The following EYA4 variants were observed in gnomAD, a reference collection of about 807,000 sequenced individuals.
The protein encoded by EYA4 is EYA transcriptional coactivator and phosphatase 4, also known as protein phosphatase EYA4.
In EYA4, 31 loss-of-function variants were observed where a neutral mutation model predicts 87.9. That is an observed-to-expected ratio of 0.35 (90% CI 0.27 to 0.48). The LOEUF is 0.48. EYA4 is among the 20% of genes least tolerant of loss of function. The pLI is 0.99. For synonymous variants in EYA4, 263 were observed against 270.6 expected (o/e 0.97, Z 0.28); for missense variants, 678 against 761.4 (o/e 0.89, Z 1.29).
rs114643728 is a variant in EYA4, at chr6:133,367,327, A to G, written c.34-15065A>G. ...AAGCAGCTTCCTTGTGCTAAGAGTTATGGAGAGGGAGTAGACAAAGTAAAT... is the reference window on the plus strand; with the variant it reads ...AAGCAGCTTCCTTGTGCTAAGAGTTGTGGAGAGGGAGTAGACAAAGTAAAT... On this transcript the variant is annotated intron_variant, in intron 2 of 19. Coordinates refer to ENST00000355286, the MANE Select transcript of EYA4 (RefSeq NM_004100.5). Among the ~76,000 whole-genome samples, 129 of 152,350 alleles carry G rather than the reference A, an allele frequency of 8.5e-4. 1 individual carries two copies. Among genetic ancestry groups the G allele is most frequent in the African/African-American group, 3.0e-3 (125 of 41,590 alleles).
chr6:133,323,852 T>G (rs1781290179), intron 2 of EYA4, among the ~76,000 whole-genome samples: 1 of 152,116 alleles, frequency 6.6e-6, no homozygotes, highest in African/African-American at 2.4e-5. Flanking sequence ...AAGATACGCC[T>G]CAAGGAAGAA....
At chr6:133,286,656 G>T (rs1484194402) in intron 2 of EYA4, among the ~76,000 whole-genome samples, 1 of 152,150 alleles carries the variant, frequency 6.6e-6, no homozygotes, top group Non-Finnish European at 1.5e-5. Flanking sequence ...TATCATAGCA[G>T]AAAGAGCACC....
chr6:133,498,850 G>A (rs993923382), intron 13 of EYA4, among the ~76,000 whole-genome samples: 1 of 152,166 alleles, frequency 6.6e-6, no homozygotes. Context: ...CCCTTTCAGA[G>A]CTTCGTGTTG....
At chr6:133,304,256 T>C (rs1459603732) in intron 2 of EYA4, among the ~76,000 whole-genome samples, 3 of 152,162 alleles carry the variant, frequency 2.0e-5, no homozygotes, top group African/African-American at 7.2e-5. Context: ...CTTAATTATC[T>C]AGTGGGGAAG....
At position 133,466,094 on chromosome 6, in the gene EYA4, C is replaced by T. The variant is rs141998107; in HGVS notation, c.804+1236C>T. 2.6e-5 allele frequency among the ~76,000 whole-genome samples: 4 copies of T among 152,096 alleles called. 1 individual carries two copies. The highest frequency in any genetic ancestry group is 3.9e-4 in the East Asian group (2 of 5,170). ...TTCAAAACGAGTAACTCATTGTTCC[C>T]TGCTCTTTAGAAGGATTCAGTCCTC... is the stretch of plus-strand genomic sequence containing the variant. On this transcript the variant is annotated intron_variant, in intron 10 of 19. Coordinates refer to ENST00000355286, the MANE Select transcript of EYA4 (RefSeq NM_004100.5).
At chr6:133,519,113 A>G (rs1056940594) in intron 17 of EYA4, among the ~76,000 whole-genome samples, 1 of 151,858 alleles carries the variant, frequency 6.6e-6, no homozygotes, top group East Asian at 1.9e-4. Context: ...AAACACATTC[A>G]AAAGCTAGCA....
intron 2 of EYA4, among the ~76,000 whole-genome samples, chr6:133,308,471 T>C (rs973357322): frequency 6.6e-6 from 1 of 152,186 alleles, no homozygotes; most frequent in Non-Finnish European, 1.5e-5. Context: ...AGGTTTGGGG[T>C]TTGATTGATC....
At chr6:133,281,832 C>T (rs1433155340) in intron 2 of EYA4, among the ~76,000 whole-genome samples, 1 of 152,052 alleles carries the variant, frequency 6.6e-6, no homozygotes, top group African/African-American at 2.4e-5. Flanking sequence ...CATGTTTCCT[C>T]ACTGCTTAGC....
At chr6:133,326,738 T>A (rs73557785) in intron 2 of EYA4, among the ~76,000 whole-genome samples, 2,403 of 152,300 alleles carry the variant, frequency 0.016, 62 homozygotes, top group African/African-American at 0.054. Context: ...CTGGATTCCC[T>A]TCCTCATCCC....
chr6:133,473,675 C>T (rs1795472050), intron 11 of EYA4, among the ~76,000 whole-genome samples: 1 of 151,828 alleles, frequency 6.6e-6, no homozygotes, highest in South Asian at 2.1e-4. Flanking sequence ...ATCCTCCTAC[C>T]TGTGGGCACA....
At chr6:133,506,011 C>T in intron 13 of EYA4, 95 bp from the exon 14 acceptor site, 1 of 809,550 alleles carries the variant, frequency 1.2e-6, no homozygotes, top group East Asian at 2.5e-5. Context: ...ATGCAGTCTT[C>T]TCCCTCTTCC....
At chr6:133,417,671 AT>A (rs1344293321) in intron 3 of EYA4, among the ~76,000 whole-genome samples, 7,738 of 152,278 alleles carry the variant, frequency 0.051, 580 homozygotes, top group African/African-American at 0.16. Context: ...TAACATGCAT[AT>A]CACTAATAAA....
chr6:133,394,511 G>A (rs1787621837), intron 3 of EYA4, among the ~76,000 whole-genome samples: 1 of 151,508 alleles, frequency 6.6e-6, no homozygotes, highest in African/African-American at 2.4e-5. Flanking sequence ...CAGACTTGAT[G>A]GCAAACTCAA....
At chr6:133,348,888 G>A (rs1427956101) in intron 2 of EYA4, among the ~76,000 whole-genome samples, 1 of 152,100 alleles carries the variant, frequency 6.6e-6, no homozygotes, top group Non-Finnish European at 1.5e-5. Context: ...TTAAGTCAGA[G>A]CCTGTTGTTC....
chr6:133,356,137 A>G lies in EYA4; in HGVS notation c.34-26255A>G, dbSNP rs547737438. Among the ~76,000 whole-genome samples the G allele has an allele frequency of 3.2e-3, 493 of 152,184 alleles. 3 individuals are homozygous for G. Among genetic ancestry groups the G allele is most frequent in the African/African-American group, 0.011 (461 of 41,516 alleles). The stretch of plus-strand genomic sequence containing the variant: ...CTCTTGTTATAAAGGCATTAATCCC[A>G]TCGTGATGACCCTGCTCCTCATGAC... On this transcript the variant is annotated intron_variant, in intron 2 of 19. Transcript: ENST00000355286.
intron 14 of EYA4, chr6:133,507,223 A>G (rs1046794468): frequency 2.6e-5 from 4 of 152,210 alleles, no homozygotes; most frequent in African/African-American, 9.6e-5. Context: ...TCCACAACAT[A>G]CAAATCACAT....
At chr6:133,486,190 T>C (rs1184671708) in intron 13 of EYA4, among the ~76,000 whole-genome samples, 1 of 152,244 alleles carries the variant, frequency 6.6e-6, no homozygotes, top group Non-Finnish European at 1.5e-5. Context: ...AAACAACTTA[T>C]ATTGCCTTAT....
chr6:133,250,062 C>G (rs1425858078), intron 1 of EYA4, among the ~76,000 whole-genome samples: 1 of 152,174 alleles, frequency 6.6e-6, no homozygotes, highest in Non-Finnish European at 1.5e-5. Flanking sequence ...AACATCCCCT[C>G]CTTGAGACTG....
intron 3 of EYA4, among the ~76,000 whole-genome samples, chr6:133,436,319 G>A (rs1479777269): frequency 6.6e-6 from 1 of 152,038 alleles, no homozygotes; most frequent in African/African-American, 2.4e-5. Context: ...CTAGCCTGTG[G>A]GAATCTTTGA....
Sources: gnomAD v4.1 joint callset for allele counts (sites outside exome capture counted in the v4.1 genomes callset) on GRCh38, gnomAD v4.1.1 for gene constraint, MANE v1.5 for transcripts, NCBI Gene and HGNC (gene_info 2026-07-23, HGNC 2026-07-21) for gene names.